Variants in ZFHX3 observed in about 807,000 individuals in gnomAD.
ZFHX3 encodes the protein zinc finger homeobox protein 3.
ZFHX3 carries 42 observed loss-of-function variants against 279.1 expected under a neutral mutation model. The observed-to-expected ratio is 0.15, with a 90% CI of 0.12 to 0.19. ZFHX3 has a LOEUF of 0.19. Among genes scored for constraint, ZFHX3 ranks in the 10% least tolerant of loss-of-function variants. The pLI is 1.00. For missense variants in ZFHX3, 4,981 were observed against 4,754.0 expected, an observed-to-expected ratio of 1.05 and a Z score of -1.40; for synonymous variants, 2,293 against 1,957.8, an observed-to-expected ratio of 1.17 and a Z score of -4.52.
intron 2 of ZFHX3, among the ~76,000 whole-genome samples, chr16:73,546,821 G>C (rs868600579): frequency 6.6e-6 from 1 of 151,720 alleles, no homozygotes; most frequent in African/African-American, 2.4e-5. Context: ...TCACAGTTGG[G>C]GGGTGAGGGG....
Position 72,957,998 on chromosome 16 carries a change from G to A in ZFHX3, c.2148C>T (p.Gly716=), listed in dbSNP as rs143495248. The change falls in exon 2 of 10, where the codon GGC becomes GGT. Residue 716 remains glycine (G), a synonymous_variant. Coordinates refer to ENST00000268489, the MANE Select transcript of ZFHX3 (RefSeq NM_006885.4). The part of the protein sequence containing the change: ...SGQPHPRLAR[G]ESYTCGYKPF... Reference sequence around the variant, plus strand: ...GCTTGTAACCACACGTGTAGCTCTCGCCTCGTGCCAGCCGGGGGTGGGGCT... The same window carrying A: ...GCTTGTAACCACACGTGTAGCTCTCACCTCGTGCCAGCCGGGGGTGGGGCT... 5.6e-5 allele frequency: 91 copies of A among 1,613,414 alleles called. No individual in the cohort carries two copies. In the African/African-American group the frequency reaches 7.9e-4, roughly 14 times the overall value.
intron 7 of ZFHX3, among the ~76,000 whole-genome samples, chr16:73,117,081 G>A (rs1966441150): frequency 6.6e-6 from 1 of 152,196 alleles, no homozygotes; most frequent in African/African-American, 2.4e-5. Flanking sequence ...CACTAGGCCT[G>A]AACTAAAGGT....
intron 1 of ZFHX3, among the ~76,000 whole-genome samples, chr16:73,861,130 GT>G (rs376287574): frequency 1.3e-5 from 2 of 151,364 alleles, no homozygotes; most frequent in African/African-American, 2.4e-5. Context: ...CACCTGGATG[GT>G]TTTTTTTGTA....
intron 2 of ZFHX3, among the ~76,000 whole-genome samples, chr16:73,464,881 A>G (rs1042178746): frequency 6.6e-6 from 1 of 152,172 alleles, no homozygotes; most frequent in Non-Finnish European, 1.5e-5. Context: ...ATCGAAGGCT[A>G]TGGCATGGTT....
intron 3 of ZFHX3, among the ~76,000 whole-genome samples, chr16:72,910,960 G>A (rs529495504): frequency 2.6e-5 from 4 of 152,200 alleles, no homozygotes; most frequent in Admixed American, 6.5e-5. Context: ...CCCTGGGTCC[G>A]AATGTGAAAG....
At chr16:73,140,718 G>C (rs991800684) in intron 6 of ZFHX3, among the ~76,000 whole-genome samples, 2 of 152,206 alleles carry the variant, frequency 1.3e-5, no homozygotes, top group Non-Finnish European at 2.9e-5. Context: ...TCCAGACGTG[G>C]TGGCAAGTGC....
intron 3 of ZFHX3, among the ~76,000 whole-genome samples, chr16:73,407,571 G>A (rs962893457): frequency 6.6e-6 from 1 of 152,160 alleles, no homozygotes. Context: ...GGGAGTGGCA[G>A]GGTCAGGAAC....
At chr16:73,824,284 G>A (rs578182701) in intron 1 of ZFHX3, among the ~76,000 whole-genome samples, 10 of 151,806 alleles carry the variant, frequency 6.6e-5, no homozygotes, top group African/African-American at 2.4e-4. Flanking sequence ...GAAGCATAGC[G>A]TGAGAAACAC....
intron 2 of ZFHX3, among the ~76,000 whole-genome samples, chr16:73,631,733 C>T (rs2052470889): frequency 6.6e-6 from 1 of 151,972 alleles, no homozygotes; most frequent in South Asian, 2.1e-4. Context: ...GGTGAAACTC[C>T]GTCTGTATAA....
chr16:73,276,148 G>A (rs902186077), intron 4 of ZFHX3, among the ~76,000 whole-genome samples: 3 of 151,180 alleles, frequency 2.0e-5, no homozygotes, highest in Non-Finnish European at 4.4e-5. Flanking sequence ...GCATTGGAGG[G>A]GCTGTATTTC....
intron 2 of ZFHX3, among the ~76,000 whole-genome samples, chr16:73,611,165 G>A (rs1372282325): frequency 6.6e-6 from 1 of 152,106 alleles, no homozygotes; most frequent in Admixed American, 6.6e-5. Flanking sequence ...TTTTTTTTGA[G>A]TTTTTGATGA....
At chr16:73,290,395 G>C (rs867609804) in intron 4 of ZFHX3, among the ~76,000 whole-genome samples, 1 of 152,204 alleles carries the variant, frequency 6.6e-6, no homozygotes, top group Non-Finnish European at 1.5e-5. Flanking sequence ...CATGAAGCAG[G>C]TGAAAAGGTG....
intron 5 of ZFHX3, among the ~76,000 whole-genome samples, chr16:73,236,345 C>T (rs185350675): frequency 7.0e-4 from 106 of 152,292 alleles, no homozygotes; most frequent in Non-Finnish European, 1.4e-3. Context: ...CGCCTGTAAT[C>T]CCAGCCCTTT....
intron 1 of ZFHX3, among the ~76,000 whole-genome samples, chr16:73,730,352 C>CAAAAAAAAAAA (rs66477968): frequency 7.4e-5 from 6 of 81,162 alleles, no homozygotes; most frequent in African/African-American, 1.5e-4. Flanking sequence ...CCTCCCCTCG[C>CAAAAAAAAAAA]AAAAAAAAAA....
chr16:72,845,698 C>T (rs2037461344), intron 4 of ZFHX3, among the ~76,000 whole-genome samples: 1 of 152,228 alleles, frequency 6.6e-6, no homozygotes, highest in African/African-American at 2.4e-5. Flanking sequence ...CTTTCCCTTT[C>T]TCCTGCCTGT....
chr16:73,633,065 C>T (rs142434030), intron 2 of ZFHX3, among the ~76,000 whole-genome samples: 358 of 152,250 alleles, frequency 2.4e-3, no homozygotes, highest in African/African-American at 8.1e-3. Flanking sequence ...GACAACAAAG[C>T]GAGACTCCGT....
intron 2 of ZFHX3, among the ~76,000 whole-genome samples, chr16:73,653,188 A>G (rs2052688366): frequency 6.6e-6 from 1 of 152,198 alleles, no homozygotes; most frequent in Non-Finnish European, 1.5e-5. Context: ...GATGGACAGA[A>G]AAAAGTCAAT....
chr16:72,980,394 C>A (rs1435827402), intron 1 of ZFHX3, among the ~76,000 whole-genome samples: 1 of 152,054 alleles, frequency 6.6e-6, no homozygotes, highest in Non-Finnish European at 1.5e-5. Flanking sequence ...TCTAACCAGC[C>A]AAATGTAAAA....
chr16:73,365,255 GC>G (rs1567461988), intron 3 of ZFHX3, among the ~76,000 whole-genome samples: 1 of 152,212 alleles, frequency 6.6e-6, no homozygotes, highest in Non-Finnish European at 1.5e-5. Context: ...AGACTTTTCT[GC>G]TTCACATACA....
Sources: allele counts gnomAD v4.1 joint callset (sites outside exome capture counted in the v4.1 genomes callset), GRCh38; gene constraint gnomAD v4.1.1; transcripts MANE v1.5; gene names NCBI Gene and HGNC (gene_info 2026-07-23, HGNC 2026-07-21).